Variants in COQ4 observed in about 807,000 individuals in gnomAD.
COQ4 encodes ubiquinone biosynthesis protein COQ4 homolog, mitochondrial.
A neutral mutation model predicts 30.2 loss-of-function variants in COQ4; 36 were observed. That is an observed-to-expected ratio of 1.19 (90% CI 0.91 to 1.57). The LOEUF (loss-of-function observed/expected upper bound fraction) is 1.57, where lower values mean the gene tolerates loss of function less well. COQ4 is among the 40% of genes most tolerant of loss of function. The pLI, the probability that COQ4 is intolerant of heterozygous loss-of-function variation, is 0.00. For synonymous variants in COQ4, 197 were observed against 161.0 expected (o/e 1.22, Z -1.69); for missense variants, 369 against 371.9 (o/e 0.99, Z 0.07).
In COQ4 at chr9:128,322,908, G is replaced by A. The variant is rs1479693218; in HGVS notation, c.50G>A (p.Gly17Asp). The A allele has an allele frequency of 6.3e-7, 1 of 1,597,542 alleles. No homozygotes were observed. Among genetic ancestry groups the A allele is most frequent in the Non-Finnish European group, 8.5e-7 (1 of 1,176,310 alleles). The change falls in exon 1 of 7, where the codon GGC becomes GAC. Residue 17 changes from glycine to aspartate, a missense_variant. By Grantham distance (94) the Gly-to-Asp change is moderately conservative. Transcript: ENST00000300452. ...CTCCGTCGGCTCTGCGGGCTCCCGG[G>A]CCTACAGCGGCCTGCGGCAGGCAAG... Reference protein sequence around the residue: ...PVLRRLCGLPGLQRPAAEMPL... With the variant: ...PVLRRLCGLPDLQRPAAEMPL...
rs1297229466 is a variant in COQ4 at position 128,333,623 on chromosome 9, T to C, written c.776T>C (p.Met259Thr). 6.3e-7 allele frequency: 1 copy of C among 1,583,822 alleles called. No homozygotes were observed. The highest frequency in any genetic ancestry group is 8.6e-7 in the Non-Finnish European group (1 of 1,168,614). Reference protein sequence around the residue: ...REELGITAPPMHVQGLA With the variant: ...REELGITAPPTHVQGLA ...GAGCTGGGCATTACAGCACCACCCATGCACGTCCAGGGCTTGGCCTGAGCT... is the reference window on the plus strand; with the variant it reads ...GAGCTGGGCATTACAGCACCACCCACGCACGTCCAGGGCTTGGCCTGAGCT... Residue 259 changes from methionine (M) to threonine (T), a missense_variant, in exon 7 of 7, where the codon ATG becomes ACG. Met to Thr is a moderately conservative substitution (Grantham distance 81, BLOSUM62 -1). Coordinates refer to ENST00000300452, the MANE Select transcript of COQ4 (RefSeq NM_016035.5).
At chr9:128,333,280 A>C (rs1266396455) in intron 6 of COQ4, among the ~76,000 whole-genome samples, 194 bp from the exon 7 acceptor site, 2 of 152,176 alleles carry the variant, frequency 1.3e-5, no homozygotes, top group African/African-American at 4.8e-5. Context: ...GAGCTTCGAC[A>C]TGTTCAAGAT....
intron 4 of COQ4, among the ~76,000 whole-genome samples, chr9:128,327,542 G>A (rs774934063): frequency 1.3e-5 from 2 of 152,188 alleles, no homozygotes; most frequent in Admixed American, 6.5e-5. Flanking sequence ...GCTCATGCCT[G>A]TAATCCTAAT....
chr9:128,327,361 T>C (rs964375198), intron 4 of COQ4, among the ~76,000 whole-genome samples: 1 of 152,030 alleles, frequency 6.6e-6, no homozygotes, highest in Non-Finnish European at 1.5e-5. Context: ...GAGAATTGAT[T>C]GAACCCGGGA....
At chr9:128,327,022 A>G (rs1002588230) in intron 4 of COQ4, among the ~76,000 whole-genome samples, 6 of 152,150 alleles carry the variant, frequency 3.9e-5, no homozygotes, top group Admixed American at 1.3e-4. Flanking sequence ...TGCTGGGACT[A>G]CAGGTGTGAG....
chr9:128,323,471 C>T (rs1422802690), intron 2 of COQ4: 1 of 462,080 alleles, frequency 2.2e-6, no homozygotes, highest in Non-Finnish European at 3.8e-6. Flanking sequence ...ACTAGAAAGT[C>T]AACTCCGAGG....
rs376033556 is a variant in COQ4 at position 128,333,982 on chromosome 9, A to G, written c.*337A>G. The G allele has an allele frequency of 3.6e-5, 7 of 193,220 alleles. No individual in the cohort carries two copies. The South Asian group carries it at 4.8e-4, about 13-fold the overall frequency. The allele number at this position is 193,220 out of a possible 1,614,324, so 12.0% of individuals were successfully genotyped here. On this transcript the variant is annotated 3_prime_UTR_variant, in exon 7 of 7. Coordinates refer to ENST00000300452, the MANE Select transcript of COQ4 (RefSeq NM_016035.5). ...TGGGGGCCAGGCTGGGTGTCCTCAC[A>G]GGAGTGAGGGCTACACCCAATTCCA...
At chr9:128,325,731 C>G in intron 3 of COQ4, 48 bp from the exon 4 acceptor site, 1 of 1,471,190 alleles carries the variant, frequency 6.8e-7, no homozygotes, top group East Asian at 2.3e-5. Flanking sequence ...TTGGATCGTT[C>G]ACCTACCTTT....
intron 2 of COQ4, chr9:128,323,432 C>A: frequency 3.9e-6 from 2 of 513,486 alleles, no homozygotes; most frequent in South Asian, 3.1e-5. Context: ...ATAGATGATT[C>A]ATAAGTACCG....
At chr9:128,326,111 G>T in intron 4 of COQ4, 1 of 580,358 alleles carries the variant, frequency 1.7e-6, no homozygotes, top group Non-Finnish European at 3.1e-6. Flanking sequence ...CATGCCTGAT[G>T]CCAGCCTCAT....
chr9:128,325,393 G>C (rs1832300521), intron 3 of COQ4, among the ~76,000 whole-genome samples, 154 bp downstream of exon 3: 1 of 152,228 alleles, frequency 6.6e-6, no homozygotes, highest in Admixed American at 6.5e-5. Flanking sequence ...TTCCAGGGGT[G>C]TCATTCACAT....
chr9:128,325,777 A>G lies in COQ4; in HGVS notation c.300-2A>G, dbSNP rs141303335. 11 of 1,613,384 alleles carry G rather than the reference A, an allele frequency of 6.8e-6. No homozygotes were observed. Among genetic ancestry groups the G allele is most frequent in the African/African-American group, 2.7e-5 (2 of 74,896 alleles). On this transcript the variant is annotated splice_acceptor_variant, in intron 3 of 6. Coordinates refer to ENST00000300452, the MANE Select transcript of COQ4 (RefSeq NM_016035.5). LOFTEE classifies it high-confidence loss of function. ...TCCCAATGCCCAAGTCTTGCCTTTC[A>G]GGGAGCGTCCCCGGATTTCGACATC...
intron 4 of COQ4, among the ~76,000 whole-genome samples, chr9:128,329,220 A>G (rs1564392411): frequency 6.6e-6 from 1 of 152,150 alleles, no homozygotes; most frequent in Non-Finnish European, 1.5e-5. Context: ...AGGACCTCCC[A>G]TATATCTTCC....
At chr9:128,333,376 C>A (rs577650276) in intron 6 of COQ4, 98 bp from the exon 7 acceptor site, 6 of 1,107,486 alleles carry the variant, frequency 5.4e-6, no homozygotes, top group Non-Finnish European at 7.6e-6. Context: ...CCTTCCGAGG[C>A]CTTTGTGAGG....
chr9:128,329,980 G>A (rs760922891), intron 4 of COQ4, among the ~76,000 whole-genome samples: 8 of 152,062 alleles, frequency 5.3e-5, no homozygotes, highest in Non-Finnish European at 7.4e-5. Flanking sequence ...ATTCATCCAG[G>A]CCCTGGATCA....
chr9:128,325,870 C>T lies in COQ4; in HGVS notation c.391C>T (p.Leu131=), dbSNP rs753368044. Residue 131 remains leucine (L), a synonymous_variant, in exon 4 of 7, where the codon CTG becomes TTG. Transcript: ENST00000300452. ...CCTCGGTCGCGAGTATCTCCGTTTC[C>T]TGGATGTGAACGTGAGTTTTCAGCT... The part of the protein sequence containing the change: ...GSLGREYLRF[L]DVNRVSPDTR... 4 of 1,614,126 alleles carry T rather than the reference C, an allele frequency of 2.5e-6. No individual in the cohort carries two copies. Among genetic ancestry groups the T allele is most frequent in the South Asian group, 1.1e-5 (1 of 91,088 alleles).
In COQ4 at chr9:128,322,854, C is replaced by A; in HGVS notation, c.-5C>A. 6.4e-7 allele frequency: 1 copy of A among 1,552,912 alleles called. No individual in the cohort carries two copies. Among genetic ancestry groups the A allele is most frequent in the Non-Finnish European group, 8.7e-7 (1 of 1,152,822 alleles). On this transcript the variant is annotated 5_prime_UTR_variant, in exon 1 of 7. In the 5' UTR this introduces an upstream ATG that the reference lacks. Transcript: ENST00000300452. ...CCCGCCCATCCTCCGCGGACGCCCGCTGCCATGGCGACTCTGCTGCGCCCT... is the reference window on the plus strand; with the variant it reads ...CCCGCCCATCCTCCGCGGACGCCCGATGCCATGGCGACTCTGCTGCGCCCT...
chr9:128,332,153 AG>A lies in COQ4; in HGVS notation c.406del (p.Val136SerfsTer17). 1 of 1,563,758 alleles carries A rather than the reference AG, an allele frequency of 6.4e-7. No homozygotes were observed. The highest frequency in any genetic ancestry group is 8.7e-7 in the Non-Finnish European group (1 of 1,153,706). ...TCTAGGGGAGGCTCATGGTTGTCAG[AG>A]GGTCTCCCCAGACACCCGAGCACCC... ...REYLRFLDVN[R>X]VSPDTRAPTR... is the part of the protein sequence containing the mutation. On this transcript the variant is annotated frameshift_variant and splice_region_variant, in exon 5 of 7. Coordinates refer to ENST00000300452, the MANE Select transcript of COQ4 (RefSeq NM_016035.5). LOFTEE classifies it high-confidence loss of function.
intron 4 of COQ4, among the ~76,000 whole-genome samples, chr9:128,328,517 G>A (rs895917536): frequency 6.6e-6 from 1 of 152,164 alleles, no homozygotes; most frequent in African/African-American, 2.4e-5. Context: ...ATGTTTAGTG[G>A]CATCCCTGGC....
Sources: allele counts gnomAD v4.1 joint callset (sites outside exome capture counted in the v4.1 genomes callset), GRCh38; gene constraint gnomAD v4.1.1; transcripts MANE v1.5; gene names NCBI Gene and HGNC (gene_info 2026-07-23, HGNC 2026-07-21).